The following MRTFA variants were observed in gnomAD, a reference collection of about 807,000 sequenced individuals.
MRTFA encodes myocardin related transcription factor A, also known as myocardin-related transcription factor A.
Under a neutral mutation model 83.5 loss-of-function variants are expected in MRTFA, and 20 were observed. The observed-to-expected ratio is 0.24, with a 90% CI of 0.17 to 0.35. The LOEUF is 0.35. Ranked by LOEUF, MRTFA falls within the 10% of genes least tolerant of loss-of-function variation. The pLI is 1.00. For synonymous variants in MRTFA, 659 were observed against 541.2 expected (o/e 1.22, Z -3.02); for missense variants, 1,200 against 1,224.7 (o/e 0.98, Z 0.30).
chr22:40,565,346 A>G (rs1035974978), intron 2 of MRTFA, among the ~76,000 whole-genome samples: 5 of 152,202 alleles, frequency 3.3e-5, no homozygotes, highest in Non-Finnish European at 7.3e-5. Context: ...CAGGAGTTCA[A>G]GACCAGCCTG....
At chr22:40,461,642 A>G (rs937818599) in intron 4 of MRTFA, among the ~76,000 whole-genome samples, 2 of 151,084 alleles carry the variant, frequency 1.3e-5, no homozygotes, top group Non-Finnish European at 3.0e-5. Context: ...AAAAAAAAAA[A>G]AAAAAAATTA....
At chr22:40,628,996 T>C (rs2056611177) in intron 1 of MRTFA, among the ~76,000 whole-genome samples, 1 of 152,096 alleles carries the variant, frequency 6.6e-6, no homozygotes, top group Non-Finnish European at 1.5e-5. Context: ...ATTCAGTATT[T>C]TTAAGAATTT....
Position 40,596,185 on chromosome 22 carries a change from C to CA in MRTFA, c.-83-1451dup, listed in dbSNP as rs941447902. Among the ~76,000 whole-genome samples, 13 of 147,226 alleles carry CA rather than the reference C, an allele frequency of 8.8e-5. No homozygotes were observed. The South Asian group carries it at 2.2e-3, about 24-fold the overall frequency. On this transcript the variant is annotated intron_variant, in intron 1 of 14. Coordinates refer to ENST00000355630, the MANE Select transcript of MRTFA (RefSeq NM_020831.6). ...GGCGGGTAACATTAATCCTGGCACTCAAAAAAAAATAGCCTCTGTTGTAAA... is the reference window on the plus strand; with the variant it reads ...GGCGGGTAACATTAATCCTGGCACTCAAAAAAAAAATAGCCTCTGTTGTAAA...
At chr22:40,591,529 G>A (rs1389297021) in intron 2 of MRTFA, among the ~76,000 whole-genome samples, 1 of 152,186 alleles carries the variant, frequency 6.6e-6, no homozygotes, top group African/African-American at 2.4e-5. Context: ...TTAATAAAAT[G>A]TGCGCCTTAC....
At chr22:40,432,082 C>T (rs1342186102) in intron 5 of MRTFA, among the ~76,000 whole-genome samples, 1 of 152,060 alleles carries the variant, frequency 6.6e-6, no homozygotes, top group East Asian at 1.9e-4. Flanking sequence ...CCTGTCTCTA[C>T]TAAAAATACA....
At position 40,418,713 on chromosome 22, in the gene MRTFA, C is replaced by T. The variant is rs1206729428; in HGVS notation, c.2025G>A (p.Val675=). Residue 675 remains valine, a synonymous_variant, in exon 12 of 15, where the codon GTG becomes GTA. Transcript: ENST00000355630. ...AGCTGGAGAAGCTGTTCTCCTGCTTCACGGGGGTGCCGAGGGGGGCGGGGG... is the reference window on the plus strand; with the variant it reads ...AGCTGGAGAAGCTGTTCTCCTGCTTTACGGGGGTGCCGAGGGGGGCGGGGG... 1.4e-6 allele frequency: 2 copies of T among 1,451,504 alleles called. No homozygotes were observed. Among genetic ancestry groups the T allele is most frequent in the African/African-American group, 3.0e-5 (2 of 66,970 alleles). 89.9% of individuals were successfully genotyped at this position (1,451,504 alleles called of 1,614,324 possible).
At chr22:40,537,211 G>A (rs1471026636) in intron 3 of MRTFA, among the ~76,000 whole-genome samples, 16 of 23,212 alleles carry the variant, frequency 6.9e-4, no homozygotes, top group African/African-American at 3.2e-3. Flanking sequence ...CCCTCAGCCC[G>A]GCCAGCCACC....
At chr22:40,631,703 A>C (rs921494194) in intron 1 of MRTFA, among the ~76,000 whole-genome samples, 1 of 152,226 alleles carries the variant, frequency 6.6e-6, no homozygotes, top group African/African-American at 2.4e-5. Context: ...ATTACTTAAA[A>C]CATTTCATGT....
intron 4 of MRTFA, among the ~76,000 whole-genome samples, chr22:40,460,072 G>A (rs1362673156): frequency 9.9e-5 from 15 of 151,380 alleles, no homozygotes; most frequent in South Asian, 4.2e-4. Flanking sequence ...CCTCTCAGGC[G>A]CGCCACCATG....
At chr22:40,595,160 G>A (rs895069231) in intron 1 of MRTFA, among the ~76,000 whole-genome samples, 18 of 131,434 alleles carry the variant, frequency 1.4e-4, no homozygotes, top group South Asian at 4.7e-4. Flanking sequence ...TCGCTCTGTC[G>A]CCGGGCTGGA....
chr22:40,424,369 T>G lies in MRTFA; in HGVS notation c.614A>C (p.Asn205Thr). Residue 205 changes from asparagine (N) to threonine (T), a missense_variant, in exon 8 of 15, where the codon AAC becomes ACC. Asn to Thr is a moderately conservative substitution (Grantham distance 65, BLOSUM62 0). Coordinates refer to ENST00000355630, the MANE Select transcript of MRTFA (RefSeq NM_020831.6). Reference sequence around the variant, plus strand: ...AGAGCTGTCTGCTACTTTGGGATAGTTCACCTGGCCCACTGAAACCCAAAG... The same window carrying G: ...AGAGCTGTCTGCTACTTTGGGATAGGTCACCTGGCCCACTGAAACCCAAAG... 1 of 1,613,362 alleles carries G rather than the reference T, an allele frequency of 6.2e-7. No individual in the cohort carries two copies. Among genetic ancestry groups the G allele is most frequent in the East Asian group, 2.2e-5 (1 of 44,802 alleles).
At chr22:40,455,839 T>TGTATGTATGTAA (rs2053577428) in intron 4 of MRTFA, among the ~76,000 whole-genome samples, 1 of 151,600 alleles carries the variant, frequency 6.6e-6, no homozygotes, top group Non-Finnish European at 1.5e-5. Context: ...TATGTATGTA[T>TGTATGTATGTAA]GTATGTATTT....
At chr22:40,570,473 G>A (rs964214402) in intron 2 of MRTFA, among the ~76,000 whole-genome samples, 5 of 151,108 alleles carry the variant, frequency 3.3e-5, no homozygotes, top group African/African-American at 1.2e-4. Context: ...AGCTACTCGG[G>A]AGGCTGAGGC....
At chr22:40,592,266 CA>C (rs398037181) in intron 2 of MRTFA, among the ~76,000 whole-genome samples, 8,872 of 86,240 alleles carry the variant, frequency 0.1, 373 homozygotes, top group East Asian at 0.25. Context: ...TCAGTCTCTA[CA>C]AAAAAAAAAA....
intron 3 of MRTFA, chr22:40,523,242 TCATATAAATCCCA>T (rs936760237): frequency 6.6e-6 from 1 of 152,174 alleles, no homozygotes; most frequent in Non-Finnish European, 1.5e-5. Context: ...TAATTAGACA[TCATATAAATCCCA>T]CATATAAATC....
intron 3 of MRTFA, among the ~76,000 whole-genome samples, chr22:40,480,988 C>T (rs1778134978): frequency 6.6e-6 from 1 of 151,938 alleles, no homozygotes; most frequent in South Asian, 2.1e-4. Context: ...AAAAATTAGC[C>T]AGGTGTAGTA....
intron 3 of MRTFA, among the ~76,000 whole-genome samples, chr22:40,487,867 A>C (rs2147196003): frequency 6.6e-6 from 1 of 152,290 alleles, no homozygotes; most frequent in South Asian, 2.1e-4. Flanking sequence ...AGTGCCAGGA[A>C]GCACAGTAAC....
intron 1 of MRTFA, among the ~76,000 whole-genome samples, chr22:40,624,879 G>T (rs1251019309): frequency 6.6e-6 from 1 of 152,124 alleles, no homozygotes; most frequent in Admixed American, 6.6e-5. Context: ...TCAGCTTTCA[G>T]GTAAAGGTCA....
chr22:40,436,599 A>G (rs926034806), intron 4 of MRTFA, among the ~76,000 whole-genome samples: 4 of 152,180 alleles, frequency 2.6e-5, no homozygotes, highest in Non-Finnish European at 5.9e-5. Flanking sequence ...GAGCCTCCAG[A>G]AAGGCTGCAC....
Sources: gnomAD v4.1 joint callset for allele counts (sites outside exome capture counted in the v4.1 genomes callset) on GRCh38, gnomAD v4.1.1 for gene constraint, MANE v1.5 for transcripts, NCBI Gene and HGNC (gene_info 2026-07-23, HGNC 2026-07-21) for gene names.